Variants in HERC3 observed in about 807,000 individuals in gnomAD.
HERC3 encodes the protein probable E3 ubiquitin-protein ligase HERC3.
Under a neutral mutation model 129.9 loss-of-function variants are expected in HERC3, and 58 were observed. That is an observed-to-expected ratio of 0.45 (90% confidence interval 0.36 to 0.56). HERC3 has a LOEUF of 0.56. Ranked by LOEUF, HERC3 falls within the 20% of genes least tolerant of loss-of-function variation. The pLI is 0.00. For synonymous variants in HERC3, 430 were observed against 451.0 expected, an observed-to-expected ratio of 0.95 and a Z score of 0.59; for missense variants, 835 against 1,244.2, an observed-to-expected ratio of 0.67 and a Z score of 4.95.
chr4:88,637,855 A>T (rs1405942153), intron 3 of HERC3, among the ~76,000 whole-genome samples: 1 of 152,224 alleles, frequency 6.6e-6, no homozygotes, highest in East Asian at 1.9e-4. Context: ...AGCTAGACTA[A>T]TAAAGAAGAA....
At chr4:88,533,401 A>C in the HERC3 span, among the ~76,000 whole-genome samples, 1 of 152,254 alleles carries the variant, frequency 6.6e-6, no homozygotes, top group Admixed American at 6.5e-5. Flanking sequence ...CTTCAATCCA[A>C]TCAAGTTGAC....
the HERC3 span, among the ~76,000 whole-genome samples, chr4:88,545,907 C>G: frequency 1.3e-5 from 2 of 152,086 alleles, no homozygotes; most frequent in Non-Finnish European, 2.9e-5. Flanking sequence ...TTCAAGTGCT[C>G]TATATTTCCA....
intron 3 of HERC3, among the ~76,000 whole-genome samples, chr4:88,631,910 G>A (rs1162655840): frequency 2.0e-5 from 3 of 152,202 alleles, no homozygotes; most frequent in Non-Finnish European, 2.9e-5. Context: ...TGGACAGAAT[G>A]CCTGGAGCGA....
upstream of HERC3, among the ~76,000 whole-genome samples, chr4:88,587,507 C>T (rs1022274988): frequency 2.6e-5 from 4 of 152,184 alleles, no homozygotes; most frequent in Admixed American, 1.3e-4. Flanking sequence ...TACGTAATAA[C>T]AACAAACCAT....
chr4:88,629,470 A>G lies in HERC3; in HGVS notation c.227-20370A>G, dbSNP rs537317121. Among the ~76,000 whole-genome samples, 205 of 152,324 alleles carry G rather than the reference A, an allele frequency of 1.3e-3. 1 individual carries two copies. The highest frequency in any genetic ancestry group is 4.3e-3 in the African/African-American group (178 of 41,572). On this transcript the variant is annotated intron_variant, in intron 3 of 25. Coordinates refer to ENST00000402738, the MANE Select transcript of HERC3 (RefSeq NM_014606.3). Reference sequence around the variant, plus strand: ...ATCTGTATCAACCTTTTTAATGACTACATATTTCATTTTATAGGATATAAT... The same window carrying G: ...ATCTGTATCAACCTTTTTAATGACTGCATATTTCATTTTATAGGATATAAT...
chr4:88,625,510 T>C (rs1329251718), intron 3 of HERC3, among the ~76,000 whole-genome samples: 1 of 152,194 alleles, frequency 6.6e-6, no homozygotes, highest in Admixed American at 6.5e-5. Context: ...ATGATTGATT[T>C]TTGTATATTG....
chr4:88,663,686 A>G (rs1029722169), intron 11 of HERC3, among the ~76,000 whole-genome samples: 1 of 152,208 alleles, frequency 6.6e-6, no homozygotes, highest in Non-Finnish European at 1.5e-5. Flanking sequence ...AGGTAATGGG[A>G]ATAAGCACTT....
At chr4:88,648,050 G>T (rs1385733707) in intron 3 of HERC3, among the ~76,000 whole-genome samples, 1 of 151,852 alleles carries the variant, frequency 6.6e-6, no homozygotes, top group African/African-American at 2.4e-5. Flanking sequence ...TTTTTGTTTG[G>T]TTATTATGAT....
chr4:88,624,493 G>A (rs1725878720), intron 3 of HERC3, among the ~76,000 whole-genome samples: 1 of 152,078 alleles, frequency 6.6e-6, no homozygotes, highest in South Asian at 2.1e-4. Flanking sequence ...AGCTTTTCTT[G>A]TGCTTATTTT....
At chr4:88,692,889 C>T in intron 23 of HERC3, 2 of 985,378 alleles carry the variant, frequency 2.0e-6, no homozygotes, top group African/African-American at 1.7e-5. Context: ...TCCCATCCTC[C>T]TTTCGCCCTA....
At chr4:88,618,775 A>G (rs575960503) in intron 3 of HERC3, among the ~76,000 whole-genome samples, 30 of 152,340 alleles carry the variant, frequency 2.0e-4, no homozygotes, top group Non-Finnish European at 3.7e-4. Flanking sequence ...GTCATGTTTC[A>G]TCTCCTTACT....
the HERC3 span, among the ~76,000 whole-genome samples, chr4:88,549,979 G>A: frequency 6.6e-5 from 10 of 152,248 alleles, 1 homozygote; most frequent in South Asian, 1.9e-3. Context: ...AGGGAAGAAA[G>A]TTTCCTTATT....
At chr4:88,638,816 C>A (rs28772677) in intron 3 of HERC3, among the ~76,000 whole-genome samples, 1 of 152,024 alleles carries the variant, frequency 6.6e-6, no homozygotes, top group African/African-American at 2.4e-5. Flanking sequence ...TGTTTGCAGA[C>A]GACATGATAC....
the HERC3 span, among the ~76,000 whole-genome samples, chr4:88,568,266 C>T: frequency 6.6e-6 from 1 of 152,186 alleles, no homozygotes; most frequent in Non-Finnish European, 1.5e-5. Flanking sequence ...AGGCCTGTGA[C>T]AATCACTGCC....
chr4:88,643,231 C>T (rs1223754553), intron 3 of HERC3, among the ~76,000 whole-genome samples: 1 of 152,100 alleles, frequency 6.6e-6, no homozygotes. Flanking sequence ...TAGAAGAAAT[C>T]CAAGACCTCG....
the HERC3 span, among the ~76,000 whole-genome samples, chr4:88,585,517 G>A: frequency 7.8e-6 from 1 of 127,608 alleles, no homozygotes; most frequent in Non-Finnish European, 1.6e-5. Context: ...TTGATACTTT[G>A]CTTTTTTTTT....
the HERC3 span, among the ~76,000 whole-genome samples, chr4:88,571,164 G>A: frequency 2.4e-4 from 37 of 152,146 alleles, no homozygotes; most frequent in Non-Finnish European, 5.0e-4. Flanking sequence ...GAGCTTCTAG[G>A]TTCAAGTGAT....
intron 3 of HERC3, among the ~76,000 whole-genome samples, chr4:88,618,292 C>T (rs974164299): frequency 2.0e-5 from 3 of 152,208 alleles, no homozygotes; most frequent in Non-Finnish European, 4.4e-5. Flanking sequence ...TTCTTCATGA[C>T]TCCCTAAGGT....
the HERC3 span, among the ~76,000 whole-genome samples, chr4:88,585,640 T>C: frequency 2.0e-5 from 3 of 151,876 alleles, no homozygotes; most frequent in Admixed American, 6.6e-5. Flanking sequence ...ACTTCCTTTC[T>C]GGAAACTTTA....
Sources: gnomAD v4.1 joint callset for allele counts (sites outside exome capture counted in the v4.1 genomes callset) on GRCh38, gnomAD v4.1.1 for gene constraint, MANE v1.5 for transcripts, NCBI Gene and HGNC (gene_info 2026-07-23, HGNC 2026-07-21) for gene names.